GRIN2B: variants seen among roughly 807,000 people sequenced by gnomAD.
The protein encoded by GRIN2B is glutamate ionotropic receptor NMDA type subunit 2B.
In GRIN2B, 5 loss-of-function variants were observed where a neutral mutation model predicts 114.5. The ratio of observed to expected loss-of-function variants is 0.04; its 90% CI spans 0.02 to 0.09. The LOEUF (loss-of-function observed/expected upper bound fraction) is 0.09. GRIN2B is among the 10% of genes least tolerant of loss of function. GRIN2B has a pLI of 1.00. For missense variants in GRIN2B, 1,108 were observed against 1,943.5 expected (o/e 0.57, Z 8.08); for synonymous variants, 787 against 745.1 (o/e 1.06, Z -0.92).
chr12:13,679,430 C>G (rs763314245), intron 4 of GRIN2B, among the ~76,000 whole-genome samples: 2 of 152,122 alleles, frequency 1.3e-5, no homozygotes, highest in Non-Finnish European at 2.9e-5. Flanking sequence ...TATTCCTGTT[C>G]CAGCGCCTTC....
At chr12:13,787,745 T>C (rs1864243907) in intron 3 of GRIN2B, among the ~76,000 whole-genome samples, 1 of 152,222 alleles carries the variant, frequency 6.6e-6, no homozygotes, top group African/African-American at 2.4e-5. Flanking sequence ...GAGCCATCTT[T>C]CATGGAACCT....
chr12:13,837,458 T>C (rs762362031), intron 3 of GRIN2B, among the ~76,000 whole-genome samples: 9 of 152,168 alleles, frequency 5.9e-5, no homozygotes, highest in African/African-American at 2.2e-4. Context: ...CCTGGCCCAT[T>C]TGCAGGCTGG....
In GRIN2B at chr12:13,558,371, G is replaced by A. The variant is rs922710828; in HGVS notation, c.*4412C>T. ...GGGCCTTTTTAGAGAGATGATGATT[G>A]AAAGAATAAAGTGAGTTCTGGAATA... On this transcript the variant is annotated 3_prime_UTR_variant, in exon 14 of 14. Transcript: ENST00000609686. The A allele has an allele frequency of 8.0e-5, 12 of 150,844 alleles. No homozygotes were observed. Among genetic ancestry groups the A allele is most frequent in the African/African-American group, 2.4e-4 (10 of 40,954 alleles). 9.3% of individuals were successfully genotyped at this position (150,844 alleles called of 1,614,324 possible). A position where few individuals can be genotyped will look rare whatever the true frequency, so the allele number is the denominator to read the frequency against.
chr12:13,728,475 T>G (rs1206494836), intron 4 of GRIN2B, among the ~76,000 whole-genome samples: 1 of 152,140 alleles, frequency 6.6e-6, no homozygotes, highest in Non-Finnish European at 1.5e-5. Context: ...GAAATTTGTT[T>G]TGTAGGTAAT....
At chr12:13,591,829 A>T (rs569648211) in intron 10 of GRIN2B, among the ~76,000 whole-genome samples, 1 of 152,188 alleles carries the variant, frequency 6.6e-6, no homozygotes, top group East Asian at 1.9e-4. Context: ...CTATGAACAC[A>T]TTGTCCTCAA....
intron 2 of GRIN2B, among the ~76,000 whole-genome samples, chr12:13,896,569 C>T (rs1866358858): frequency 6.6e-6 from 1 of 152,168 alleles, no homozygotes; most frequent in East Asian, 1.9e-4. Flanking sequence ...TGTACAACTA[C>T]ATGGCAATGA....
chr12:13,649,699 T>C (rs1430084578), intron 5 of GRIN2B, among the ~76,000 whole-genome samples: 1 of 152,074 alleles, frequency 6.6e-6, no homozygotes, highest in Non-Finnish European at 1.5e-5. Context: ...CCAGACTGTT[T>C]GGGAAAATGT....
At chr12:13,909,816 C>T (rs1866601483) in intron 2 of GRIN2B, among the ~76,000 whole-genome samples, 1 of 152,128 alleles carries the variant, frequency 6.6e-6, no homozygotes, top group Non-Finnish European at 1.5e-5. Flanking sequence ...GCTGTCCCGA[C>T]TTATGCAAGT....
intron 3 of GRIN2B, among the ~76,000 whole-genome samples, chr12:13,825,990 C>T (rs1170185237): frequency 6.6e-6 from 1 of 151,550 alleles, no homozygotes; most frequent in African/African-American, 2.4e-5. Flanking sequence ...AATCATTTTG[C>T]TATTTGTTTT....
intron 3 of GRIN2B, among the ~76,000 whole-genome samples, chr12:13,791,498 A>G (rs1419555755): frequency 6.6e-6 from 1 of 151,888 alleles, no homozygotes; most frequent in Admixed American, 6.6e-5. Context: ...TGAAAGGCTT[A>G]CAGAATTTTT....
intron 5 of GRIN2B, among the ~76,000 whole-genome samples, chr12:13,668,771 A>C (rs1949998739): frequency 6.6e-6 from 1 of 151,652 alleles, no homozygotes; most frequent in Non-Finnish European, 1.5e-5. Flanking sequence ...TAAACATCAC[A>C]ACAAGCACTT....
At chr12:13,565,158 A>G (rs1948621480) in intron 13 of GRIN2B, among the ~76,000 whole-genome samples, 2 of 152,212 alleles carry the variant, frequency 1.3e-5, no homozygotes, top group South Asian at 4.1e-4. Flanking sequence ...TCTAGCTCTG[A>G]CAAATTTTAA....
chr12:13,888,562 C>T (rs184126506), intron 2 of GRIN2B, among the ~76,000 whole-genome samples: 96 of 151,760 alleles, frequency 6.3e-4, no homozygotes, highest in Admixed American at 2.8e-3. Flanking sequence ...GGTGAAAACC[C>T]GTCTCTACTA....
intron 11 of GRIN2B, among the ~76,000 whole-genome samples, chr12:13,570,705 G>T (rs1326936071): frequency 6.6e-6 from 1 of 152,126 alleles, no homozygotes; most frequent in Admixed American, 6.5e-5. Flanking sequence ...CATAAAAAAG[G>T]GAATAAGACC....
rs1866370432 is a variant in GRIN2B, at chr12:13,897,329, TAA to T, written c.-18-31105_-18-31104del. ...ACTTACTCCATTAGCACACTCTAAA[TAA>T]AAGACTCCCCAGCCCTGCCCCTGCT... On this transcript the variant is annotated intron_variant, in intron 2 of 13. Coordinates refer to ENST00000609686, the MANE Select transcript of GRIN2B (RefSeq NM_000834.5). Among the ~76,000 whole-genome samples the T allele has an allele frequency of 2.0e-5, 3 of 152,204 alleles. 1 individual carries two copies. The highest frequency in any genetic ancestry group is 7.2e-5 in the African/African-American group (3 of 41,524).
At chr12:13,804,603 A>C (rs220577) in intron 3 of GRIN2B, among the ~76,000 whole-genome samples, 1 of 152,038 alleles carries the variant, frequency 6.6e-6, no homozygotes, top group Non-Finnish European at 1.5e-5. Context: ...AATTCAAATA[A>C]CATTTTCTCC....
chr12:13,662,247 T>C (rs1405586462), intron 5 of GRIN2B, among the ~76,000 whole-genome samples: 1 of 152,176 alleles, frequency 6.6e-6, no homozygotes, highest in Non-Finnish European at 1.5e-5. Context: ...AAATGGGAGA[T>C]AAAATACTAC....
At chr12:13,631,013 A>C (rs1365913786) in intron 5 of GRIN2B, among the ~76,000 whole-genome samples, 1 of 152,046 alleles carries the variant, frequency 6.6e-6, no homozygotes, top group Non-Finnish European at 1.5e-5. Flanking sequence ...ACTGTCAAAC[A>C]CTTTTACCAC....
intron 4 of GRIN2B, among the ~76,000 whole-genome samples, chr12:13,710,082 A>C (rs1202924643): frequency 6.6e-6 from 1 of 152,070 alleles, no homozygotes; most frequent in Non-Finnish European, 1.5e-5. Flanking sequence ...TATATTACTC[A>C]GCTTTAAAAA....
Sources: allele counts gnomAD v4.1 joint callset (sites outside exome capture counted in the v4.1 genomes callset), GRCh38; gene constraint gnomAD v4.1.1; transcripts MANE v1.5; gene names NCBI Gene and HGNC (gene_info 2026-07-23, HGNC 2026-07-21).